Variants in GALNT17 observed in about 807,000 individuals in gnomAD.
GALNT17 encodes polypeptide N-acetylgalactosaminyltransferase 17.
Under a neutral mutation model 63.7 loss-of-function variants are expected in GALNT17, and 29 were observed. The observed-to-expected ratio is 0.46, with a 90% CI of 0.34 to 0.62. GALNT17 has a LOEUF of 0.62. GALNT17 is among the 20% of genes least tolerant of loss of function. The pLI is 0.01. For synonymous variants in GALNT17, 305 were observed against 318.3 expected, an observed-to-expected ratio of 0.96 and a Z score of 0.45; for missense variants, 603 against 799.6, an observed-to-expected ratio of 0.75 and a Z score of 2.97.
chr7:71,483,965 A>G (rs986769405), intron 5 of GALNT17, among the ~76,000 whole-genome samples: 3 of 152,068 alleles, frequency 2.0e-5, no homozygotes, highest in Non-Finnish European at 2.9e-5. Flanking sequence ...ACCATCTTCC[A>G]CCTTCTTGTC....
intron 1 of GALNT17, among the ~76,000 whole-genome samples, chr7:71,135,284 C>T (rs1333254261): frequency 1.3e-5 from 2 of 152,206 alleles, no homozygotes; most frequent in Admixed American, 1.3e-4. Flanking sequence ...AGAGACATTA[C>T]AAGTGCATTA....
intron 6 of GALNT17, among the ~76,000 whole-genome samples, chr7:71,581,635 A>G (rs1056881512): frequency 6.6e-6 from 1 of 152,140 alleles, no homozygotes; most frequent in Non-Finnish European, 1.5e-5. Context: ...GGCAAATTAT[A>G]TCAGTGGTGG....
intron 5 of GALNT17, among the ~76,000 whole-genome samples, chr7:71,456,354 C>T (rs930435734): frequency 1.3e-5 from 2 of 152,074 alleles, no homozygotes; most frequent in Non-Finnish European, 2.9e-5. Context: ...ATTCGAAAAT[C>T]AAGTATTATA....
In GALNT17 at chr7:71,351,423, A is replaced by G. The variant is rs79984285; in HGVS notation, c.422+15690A>G. 1.5e-3 allele frequency among the ~76,000 whole-genome samples: 224 copies of G among 152,234 alleles called. 1 individual carries two copies. Among genetic ancestry groups the G allele is most frequent in the Middle Eastern group, 6.8e-3 (2 of 294 alleles). ...CAAATTCAAGTCCATCTGGAACCTC[A>G]GGTCACCTTATGTGGATAACAGGGT... On this transcript the variant is annotated intron_variant, in intron 2 of 10. Transcript: ENST00000333538.
In GALNT17 at chr7:71,161,461, T is replaced by C. The variant is rs183110273; in HGVS notation, c.238+28421T>C. Among the ~76,000 whole-genome samples the C allele has an allele frequency of 2.5e-4, 38 of 152,324 alleles. 2 individuals are homozygous for C. Among genetic ancestry groups the C allele is most frequent in the African/African-American group, 7.5e-4 (31 of 41,590 alleles). On this transcript the variant is annotated intron_variant, in intron 1 of 10. Coordinates refer to ENST00000333538, the MANE Select transcript of GALNT17 (RefSeq NM_022479.3). ...TTTAATGTCGCGAAGGAATTATCTT[T>C]GTCTTTAATATTTATTACGAATATG...
intron 1 of GALNT17, among the ~76,000 whole-genome samples, chr7:71,309,950 T>C (rs551447629): frequency 1.2e-4 from 19 of 152,294 alleles, no homozygotes; most frequent in Non-Finnish European, 2.4e-4. Flanking sequence ...AATTGAATCA[T>C]GGGGGCAGGC....
intron 1 of GALNT17, among the ~76,000 whole-genome samples, chr7:71,216,065 A>AATAATAATAATAATG (rs147593554): frequency 1.1e-4 from 17 of 151,248 alleles, no homozygotes; most frequent in East Asian, 7.8e-4. Flanking sequence ...TAATAATAAT[A>AATAATAATAATAATG]AAAAAGCCAA....
intron 9 of GALNT17, among the ~76,000 whole-genome samples, chr7:71,693,249 T>TAC (rs201316633): frequency 1.3e-4 from 16 of 124,350 alleles, no homozygotes; most frequent in African/African-American, 4.6e-4. Context: ...CACATATATA[T>TAC]ACACACACAC....
chr7:71,318,940 C>T (rs537413056), intron 1 of GALNT17, among the ~76,000 whole-genome samples: 27 of 152,242 alleles, frequency 1.8e-4, no homozygotes, highest in Non-Finnish European at 3.4e-4. Context: ...CCCCATTGTA[C>T]GCATGTGAGT....
At chr7:71,185,894 T>G (rs1435519300) in intron 1 of GALNT17, among the ~76,000 whole-genome samples, 2 of 152,202 alleles carry the variant, frequency 1.3e-5, no homozygotes, top group African/African-American at 4.8e-5. Context: ...TTGTGAAGTT[T>G]AGAGAGAAAA....
intron 1 of GALNT17, among the ~76,000 whole-genome samples, chr7:71,291,291 T>A (rs1242003383): frequency 2.0e-5 from 3 of 152,240 alleles, no homozygotes; most frequent in Non-Finnish European, 4.4e-5. Context: ...TCTGTGGATC[T>A]GTTTTTGATC....
At chr7:71,456,596 C>T (rs1385785704) in intron 5 of GALNT17, among the ~76,000 whole-genome samples, 2 of 151,102 alleles carry the variant, frequency 1.3e-5, no homozygotes, top group South Asian at 4.2e-4. Flanking sequence ...TGGTGGCGGA[C>T]GCCTGTAATC....
intron 1 of GALNT17, among the ~76,000 whole-genome samples, chr7:71,232,240 C>G (rs1457229285): frequency 2.6e-5 from 4 of 152,144 alleles, no homozygotes; most frequent in Non-Finnish European, 4.4e-5. Context: ...ACATTTCTGT[C>G]CTTAGATTTC....
intron 5 of GALNT17, among the ~76,000 whole-genome samples, chr7:71,437,619 G>A (rs1786989196): frequency 6.6e-6 from 1 of 152,334 alleles, no homozygotes; most frequent in Admixed American, 6.5e-5. Context: ...ATGAGGACAA[G>A]TGATTCTTCA....
chr7:71,436,901 C>A (rs985902848), intron 5 of GALNT17, among the ~76,000 whole-genome samples: 5 of 152,176 alleles, frequency 3.3e-5, no homozygotes, highest in Non-Finnish European at 7.4e-5. Flanking sequence ...CAGACCCTGA[C>A]CCAACAATGG....
At chr7:71,140,454 GGTGA>G (rs976759971) in intron 1 of GALNT17, among the ~76,000 whole-genome samples, 23 of 152,350 alleles carry the variant, frequency 1.5e-4, no homozygotes, top group Non-Finnish European at 2.9e-4. Flanking sequence ...TGTGTTGGCA[GGTGA>G]GTGTGGTGGG....
intron 5 of GALNT17, among the ~76,000 whole-genome samples, chr7:71,475,450 T>C (rs1787707381): frequency 6.6e-6 from 1 of 152,104 alleles, no homozygotes; most frequent in African/African-American, 2.4e-5. Flanking sequence ...GCAACCTAGA[T>C]CCCTCGCATG....
At chr7:71,193,212 C>A (rs1027415621) in intron 1 of GALNT17, among the ~76,000 whole-genome samples, 1 of 151,960 alleles carries the variant, frequency 6.6e-6, no homozygotes, top group Non-Finnish European at 1.5e-5. Flanking sequence ...TATCCTCCTA[C>A]CTGAGCCTCC....
intron 9 of GALNT17, among the ~76,000 whole-genome samples, chr7:71,701,910 TAC>T (rs1385128987): frequency 1.2e-4 from 15 of 129,234 alleles, no homozygotes; most frequent in Admixed American, 3.2e-4. Context: ...TATATATATA[TAC>T]ATATATATAT....
Sources: allele counts gnomAD v4.1 joint callset (sites outside exome capture counted in the v4.1 genomes callset), GRCh38; gene constraint gnomAD v4.1.1; transcripts MANE v1.5; gene names NCBI Gene and HGNC (gene_info 2026-07-23, HGNC 2026-07-21).